RABL3: variants seen among roughly 807,000 people sequenced by gnomAD.
RABL3 encodes RAB, member of RAS oncogene family like 3.
A neutral mutation model predicts 31.8 loss-of-function variants in RABL3; 31 were observed. The ratio of observed to expected loss-of-function variants is 0.97; its 90% CI spans 0.73 to 1.31. The LOEUF (loss-of-function observed/expected upper bound fraction) is 1.31, where lower values mean the gene tolerates loss of function less well. Ranked by LOEUF, RABL3 falls within the 40% of genes most tolerant of loss-of-function variation. The probability of loss-of-function intolerance (pLI) is 0.00; values close to 1 mark genes in which losing one functional copy is unlikely to be tolerated. For synonymous variants in RABL3, 97 were observed against 99.9 expected (o/e 0.97, Z 0.18); for missense variants, 263 against 279.6 (o/e 0.94, Z 0.42).
At chr3:120,705,503 T>C (rs1319859166) in intron 4 of RABL3, among the ~76,000 whole-genome samples, 1 of 152,206 alleles carries the variant, frequency 6.6e-6, no homozygotes, top group Non-Finnish European at 1.5e-5. Context: ...TATGGTCAAC[T>C]GATTTTTGGC....
intron 2 of RABL3, among the ~76,000 whole-genome samples, chr3:120,711,621 G>A (rs1027935044): frequency 6.6e-6 from 1 of 152,086 alleles, no homozygotes; most frequent in Non-Finnish European, 1.5e-5. Flanking sequence ...TTTTTCTCAT[G>A]TCTAGGCTCT....
chr3:120,698,860 T>C (rs1413518928), intron 4 of RABL3, among the ~76,000 whole-genome samples: 2 of 152,202 alleles, frequency 1.3e-5, no homozygotes, highest in Non-Finnish European at 2.9e-5. Context: ...GCCCATCAAG[T>C]ATATTACAGT....
chr3:120,710,574 TGCTGTTTTCTTAG>T (rs1559816072), intron 2 of RABL3: 1 of 152,178 alleles, frequency 6.6e-6, no homozygotes, highest in Non-Finnish European at 1.5e-5. Context: ...CTTTCCTTCT[TGCTGTTTTCTTAG>T]GCTGCCTATG....
chr3:120,724,687 C>A (rs1046068952), intron 2 of RABL3, among the ~76,000 whole-genome samples: 2 of 152,108 alleles, frequency 1.3e-5, no homozygotes, highest in African/African-American at 4.8e-5. Context: ...CTGACAAAAA[C>A]AAGAAATGGG....
At chr3:120,701,044 A>G (rs184554528) in intron 4 of RABL3, among the ~76,000 whole-genome samples, 1 of 152,212 alleles carries the variant, frequency 6.6e-6, no homozygotes, top group East Asian at 1.9e-4. Flanking sequence ...CTGGCCCCCT[A>G]TAGGTTACCA....
rs1708323801 is a variant in RABL3 at position 120,687,417 on chromosome 3, G to C, written c.*2406C>G. The C allele has an allele frequency of 6.6e-6, 1 of 152,038 alleles. No homozygotes were observed. Among genetic ancestry groups the C allele is most frequent in the African/African-American group, 2.4e-5 (1 of 41,412 alleles). 9.4% of individuals were successfully genotyped at this position (152,038 alleles called of 1,614,324 possible). ...CCTGCCTCAGTCTCCTAGAGTGCTG[G>C]GATTATAGGCGTGAGCCAGCACCTG... On this transcript the variant is annotated 3_prime_UTR_variant, in exon 8 of 8. Coordinates refer to ENST00000273375, the MANE Select transcript of RABL3 (RefSeq NM_173825.5).
chr3:120,705,465 C>T (rs562021810), intron 4 of RABL3, among the ~76,000 whole-genome samples: 11 of 152,278 alleles, frequency 7.2e-5, no homozygotes, highest in African/African-American at 2.6e-4. Flanking sequence ...TGGAACAGAA[C>T]TAGAGTCCAG....
At position 120,688,137 on chromosome 3, in the gene RABL3, A is replaced by T. The variant is rs925571409; in HGVS notation, c.*1686T>A. 1 of 152,464 alleles carries T rather than the reference A, an allele frequency of 6.6e-6. No homozygotes were observed. The highest frequency in any genetic ancestry group is 2.4e-5 in the African/African-American group (1 of 41,434). 9.4% of individuals were successfully genotyped at this position (152,464 alleles called of 1,614,324 possible). On this transcript the variant is annotated 3_prime_UTR_variant, in exon 8 of 8. Coordinates refer to ENST00000273375, the MANE Select transcript of RABL3 (RefSeq NM_173825.5). ...ATAGAAAATAAAAAAATCAGGATGA[A>T]TTTTTTTAAAATTAAAAGAAAGAGG...
chr3:120,730,340 T>G (rs1288932230), intron 2 of RABL3, among the ~76,000 whole-genome samples: 4 of 152,200 alleles, frequency 2.6e-5, no homozygotes, highest in Non-Finnish European at 4.4e-5. Flanking sequence ...TACATTATAT[T>G]TCTAGCTGAA....
At chr3:120,722,377 T>C (rs900882306) in intron 2 of RABL3, 2 of 152,208 alleles carry the variant, frequency 1.3e-5, no homozygotes, top group East Asian at 1.9e-4. Flanking sequence ...ATAACCTCTA[T>C]GACTTTTTCA....
intron 2 of RABL3, among the ~76,000 whole-genome samples, chr3:120,729,593 T>C (rs773737027): frequency 6.6e-6 from 1 of 152,112 alleles, no homozygotes; most frequent in Non-Finnish European, 1.5e-5. Flanking sequence ...TCAGGACATT[T>C]TGGAAAATTT....
chr3:120,697,678 C>T (rs1276716331), intron 5 of RABL3, among the ~76,000 whole-genome samples: 1 of 152,144 alleles, frequency 6.6e-6, no homozygotes, highest in Non-Finnish European at 1.5e-5. Flanking sequence ...CATAAGTGTA[C>T]ATAAATTAGT....
At chr3:120,706,765 G>A (rs948231349) in intron 3 of RABL3, among the ~76,000 whole-genome samples, 1 of 151,990 alleles carries the variant, frequency 6.6e-6, no homozygotes, top group Non-Finnish European at 1.5e-5. Context: ...AAAGAAATAT[G>A]CCACTATAAG....
rs6782272 is a variant in RABL3 at position 120,725,880 on chromosome 3, T to G, written c.138+4816A>C. Among the ~76,000 whole-genome samples the G allele has an allele frequency of 7.6e-3, 1,162 of 152,280 alleles. 15 individuals are homozygous for G. The highest frequency in any genetic ancestry group is 0.027 in the African/African-American group (1,102 of 41,556). The stretch of plus-strand genomic sequence containing the variant: ...AGTTAATGGGTGCAGCACACCAACA[T>G]GGCACATGTATACATATGTAACAAA... On this transcript the variant is annotated intron_variant, in intron 2 of 7. Coordinates refer to ENST00000273375, the MANE Select transcript of RABL3 (RefSeq NM_173825.5).
chr3:120,723,670 G>A (rs1708778111), intron 2 of RABL3, among the ~76,000 whole-genome samples: 2 of 152,108 alleles, frequency 1.3e-5, no homozygotes, highest in South Asian at 4.1e-4. Flanking sequence ...ACGTAATCCA[G>A]CATATAAACA....
At chr3:120,737,960 G>A (rs1358148736) in intron 1 of RABL3, among the ~76,000 whole-genome samples, 1 of 152,190 alleles carries the variant, frequency 6.6e-6, no homozygotes, top group Non-Finnish European at 1.5e-5. Context: ...TCCCAGTTAG[G>A]CTACTCGGGG....
chr3:120,710,260 A>T (rs775233195), intron 2 of RABL3: 14 of 161,108 alleles, frequency 8.7e-5, no homozygotes, highest in Non-Finnish European at 1.8e-4. Context: ...ACCCTCTTTC[A>T]TGTCTACAAC....
At chr3:120,691,701 T>C (rs747746645) in intron 6 of RABL3, among the ~76,000 whole-genome samples, 5 of 152,228 alleles carry the variant, frequency 3.3e-5, no homozygotes, top group Non-Finnish European at 7.3e-5. Flanking sequence ...TTTCTTTACA[T>C]AGACCTGCTG....
intron 2 of RABL3, among the ~76,000 whole-genome samples, chr3:120,711,852 C>A (rs1274636309): frequency 6.6e-6 from 1 of 152,090 alleles, no homozygotes; most frequent in African/African-American, 2.4e-5. Flanking sequence ...GCTGTAATCC[C>A]CTCGTTAAGA....
Sources: allele counts gnomAD v4.1 joint callset (sites outside exome capture counted in the v4.1 genomes callset), GRCh38; gene constraint gnomAD v4.1.1; transcripts MANE v1.5; gene names NCBI Gene and HGNC (gene_info 2026-07-23, HGNC 2026-07-21).